Variants in CEP164 observed in about 807,000 individuals in gnomAD.
The protein encoded by CEP164 is centrosomal protein 164.
Under a neutral mutation model 182.7 loss-of-function variants are expected in CEP164, and 162 were observed. The ratio of observed to expected loss-of-function variants is 0.89; its 90% CI spans 0.78 to 1.01. CEP164 has a LOEUF of 1.01. CEP164 is among the 50% of genes least tolerant of loss of function. The pLI is 0.00. For synonymous variants in CEP164, 661 were observed against 690.0 expected, an observed-to-expected ratio of 0.96 and a Z score of 0.66; for missense variants, 1,735 against 1,790.4, an observed-to-expected ratio of 0.97 and a Z score of 0.56.
chr11:117,365,788 C>T (rs1160988927), intron 8 of CEP164, among the ~76,000 whole-genome samples: 1 of 152,064 alleles, frequency 6.6e-6, no homozygotes, highest in Non-Finnish European at 1.5e-5. Context: ...CCATGTTGGC[C>T]AGGCTGGTCT....
chr11:117,408,757 T>A (rs2046991159), intron 28 of CEP164, 133 bp from the exon 29 acceptor site: 1 of 1,179,272 alleles, frequency 8.5e-7, no homozygotes, highest in African/African-American at 1.5e-5. Context: ...TGGATTTGCG[T>A]AAGAAAACCA....
intron 27 of CEP164, 79 bp downstream of exon 27, chr11:117,397,392 C>G: frequency 1.5e-6 from 2 of 1,371,576 alleles, no homozygotes; most frequent in Non-Finnish European, 2.0e-6. Context: ...TTTGGGCTCC[C>G]CCTCAGTTGG....
At chr11:117,329,743 T>C (rs1284205926) in intron 1 of CEP164, among the ~76,000 whole-genome samples, 2 of 152,008 alleles carry the variant, frequency 1.3e-5, no homozygotes, top group South Asian at 2.1e-4. Flanking sequence ...GGTTTCACCA[T>C]GTTGGCCAGG....
chr11:117,326,876 T>C (rs1215297229), upstream of CEP164, among the ~76,000 whole-genome samples: 1 of 152,186 alleles, frequency 6.6e-6, no homozygotes, highest in East Asian at 1.9e-4. Context: ...AGTTTTCCTA[T>C]TGATGTAATG....
chr11:117,391,036 G>A lies in CEP164; in HGVS notation c.2104G>A (p.Glu702Lys). ...QEASLQKLREELESQQKAERA... is the reference protein window; with the variant it reads ...QEASLQKLREKLESQQKAERA... The stretch of plus-strand genomic sequence containing the variant: ...GGCTTCCCTGCAGAAACTGAGAGAA[G>A]AGTTGGAGTCTCAACAGAAGGCTGA... The change falls in exon 17 of 33, where the codon GAG becomes AAG. Residue 702 changes from glutamate (E) to lysine (K), a missense_variant. Physicochemically the swap from Glu to Lys is moderately conservative, Grantham distance 56. Coordinates refer to ENST00000278935, the MANE Select transcript of CEP164 (RefSeq NM_014956.5). 1 of 1,614,112 alleles carries A rather than the reference G, an allele frequency of 6.2e-7. No homozygotes were observed. The highest frequency in any genetic ancestry group is 8.5e-7 in the Non-Finnish European group (1 of 1,180,036).
chr11:117,329,581 G>A (rs929326419), intron 1 of CEP164, among the ~76,000 whole-genome samples: 5 of 152,074 alleles, frequency 3.3e-5, no homozygotes, highest in South Asian at 4.1e-4. Flanking sequence ...TTGCTCTGTC[G>A]CCCAGGCTGG....
upstream of CEP164, chr11:117,323,917 G>A: frequency 2.9e-6 from 1 of 348,616 alleles, no homozygotes; most frequent in Non-Finnish European, 6.0e-6. Context: ...TTTTAAGGCA[G>A]TTTGCCCATT....
chr11:117,387,208 C>T lies in CEP164; in HGVS notation c.1730C>T (p.Ser577Phe). The change falls in exon 15 of 33, where the codon TCC (serine) becomes TTC (phenylalanine). Residue 577 changes from serine to phenylalanine, a missense_variant. By Grantham distance (155) the Ser-to-Phe change is radical. Coordinates refer to ENST00000278935, the MANE Select transcript of CEP164 (RefSeq NM_014956.5). The stretch of plus-strand genomic sequence containing the variant: ...CCATTCCCCACCCATGGTAGGCGAT[C>T]CACAGAGCCTGTGGCTCCCCCAGAG... ...PTPPVSPEVR[S>F]TEPVAPPEQL... 1 of 1,614,106 alleles carries T rather than the reference C, an allele frequency of 6.2e-7. No homozygotes were observed. The highest frequency in any genetic ancestry group is 8.5e-7 in the Non-Finnish European group (1 of 1,179,982).
rs2136467201 is a variant in CEP164 at position 117,396,148 on chromosome 11, C to T, written c.3184C>T (p.His1062Tyr). The T allele has an allele frequency of 7.1e-7, 1 of 1,409,962 alleles. No homozygotes were observed. Among genetic ancestry groups the T allele is most frequent in the Non-Finnish European group, 9.5e-7 (1 of 1,051,228 alleles). The allele number at this position is 1,409,962 out of a possible 1,614,324, so 87.3% of individuals were successfully genotyped here. ...NASPHFEPDL[H>Y]IEDLRKSLGT... The stretch of plus-strand genomic sequence containing the variant: ...TTCCCCACATTTTGAGCCAGATCTC[C>T]ATATTGAGGACCTGAGGAAATCCCT... The change falls in exon 25 of 33, where the codon CAT becomes TAT. Residue 1062 changes from histidine (H) to tyrosine (Y), a missense_variant. His to Tyr is a moderately conservative substitution (Grantham distance 83, BLOSUM62 2). Coordinates refer to ENST00000278935, the MANE Select transcript of CEP164 (RefSeq NM_014956.5).
intron 1 of CEP164, among the ~76,000 whole-genome samples, chr11:117,322,203 C>T (rs958998356): frequency 1.6e-4 from 24 of 152,114 alleles, no homozygotes; most frequent in African/African-American, 5.8e-4. Flanking sequence ...ACAACCTCCA[C>T]CTCCCAGGTT....
Position 117,362,461 on chromosome 11 carries a change from G to T in CEP164, c.610G>T (p.Glu204Ter). 6.2e-7 allele frequency: 1 copy of T among 1,613,808 alleles called. No individual in the cohort carries two copies. Among genetic ancestry groups the T allele is most frequent in the Non-Finnish European group, 8.5e-7 (1 of 1,179,924 alleles). Residue 204 changes from glutamate (E) to a stop codon, truncating the protein, a stop_gained, in exon 7 of 33, where the codon GAG becomes TAG. Coordinates refer to ENST00000278935, the MANE Select transcript of CEP164 (RefSeq NM_014956.5). LOFTEE classifies it high-confidence loss of function. ...AAAGGGTCTCTTGGGCTCCATATATGAGGACAAGACTGCTCTCAGCCTCTT... is the reference window on the plus strand; with the variant it reads ...AAAGGGTCTCTTGGGCTCCATATATTAGGACAAGACTGCTCTCAGCCTCTT... ...YTKGLLGSIYEDKTALSLLGL... is the reference protein window; with the variant it reads ...YTKGLLGSIY
In CEP164 at chr11:117,362,495, G is replaced by T. The variant is rs1473328611; in HGVS notation, c.644G>T (p.Gly215Val). ...DKTALSLLGL[G>V]EETNEEDEEE... ...ACTGCTCTCAGCCTCTTGGGTTTAG[G>T]AGAAGAAACCAATGAGGAGGATGAG... The change falls in exon 7 of 33, where the codon GGA (glycine) becomes GTA (valine). Residue 215 changes from glycine (G) to valine (V), a missense_variant. By Grantham distance (109) the Gly-to-Val change is moderately radical. Transcript: ENST00000278935. 3 of 1,613,640 alleles carry T rather than the reference G, an allele frequency of 1.9e-6. No individual in the cohort carries two copies. Among genetic ancestry groups the T allele is most frequent in the South Asian group, 1.1e-5 (1 of 91,060 alleles).
At chr11:117,322,757 ATTTTTTTTTT>A (rs34284352) in intron 1 of CEP164, among the ~76,000 whole-genome samples, 1 of 47,732 alleles carries the variant, frequency 2.1e-5, no homozygotes, top group Non-Finnish European at 3.2e-5. Context: ...ATATAGATAG[ATTTTTTTTTT>A]TTTTTTTTTT....
intron 3 of CEP164, among the ~76,000 whole-genome samples, chr11:117,342,873 T>TTTTG (rs770715285): frequency 4.6e-5 from 7 of 151,958 alleles, no homozygotes; most frequent in Admixed American, 2.0e-4. Flanking sequence ...ACAACAAAAT[T>TTTTG]TTTGTTTGTT....
At chr11:117,376,240 C>CT (rs1436957217) in intron 11 of CEP164, among the ~76,000 whole-genome samples, 1 of 152,178 alleles carries the variant, frequency 6.6e-6, no homozygotes, top group Non-Finnish European at 1.5e-5. Context: ...CCAGCAAGCT[C>CT]TTTTTTGGTC....
chr11:117,395,937 C>T (rs538167656), intron 24 of CEP164, 117 bp from the exon 25 acceptor site: 41 of 1,451,906 alleles, frequency 2.8e-5, no homozygotes, highest in Non-Finnish European at 3.6e-5. Flanking sequence ...TGCCTGAGCC[C>T]TTCCTCAGGG....
intron 4 of CEP164, among the ~76,000 whole-genome samples, chr11:117,350,108 C>A (rs1279277180): frequency 6.6e-6 from 1 of 152,130 alleles, no homozygotes; most frequent in Non-Finnish European, 1.5e-5. Context: ...GGGATTTCAC[C>A]ATGTTGATCA....
rs374871597 is a variant in CEP164, at chr11:117,394,881, A to G, written c.2761-39A>G. 22 of 1,600,070 alleles carry G rather than the reference A, an allele frequency of 1.4e-5. No individual in the cohort carries two copies. In the African/African-American group the frequency reaches 2.5e-4, roughly 19 times the overall value. On this transcript the variant is annotated intron_variant, in intron 21 of 32. Transcript: ENST00000278935. This position sits in a 1 kb window ranked among gnomAD's most constrained non-coding sequence, Gnocchi z 4.0. ...CCTCCTGCCCCTCAGCTAATGCCTT[A>G]CACTCTTTCTATGCTTATGTGTTTC...
intron 15 of CEP164, among the ~76,000 whole-genome samples, chr11:117,389,192 T>A (rs1257320907): frequency 1.3e-5 from 2 of 152,184 alleles, no homozygotes; most frequent in African/African-American, 4.8e-5. Flanking sequence ...GTCTTCCGAA[T>A]CACGTTTTTC....
Sources: allele counts gnomAD v4.1 joint callset (sites outside exome capture counted in the v4.1 genomes callset), GRCh38; gene constraint gnomAD v4.1.1; non-coding constraint Gnocchi (gnomAD v3.1); transcripts MANE v1.5; gene names NCBI Gene and HGNC (gene_info 2026-07-23, HGNC 2026-07-21).